The following GRID2 variants were observed in gnomAD, a reference collection of about 807,000 sequenced individuals.
GRID2 encodes the protein glutamate receptor ionotropic, delta-2.
Under a neutral mutation model 114.8 loss-of-function variants are expected in GRID2, and 33 were observed. The observed-to-expected ratio is 0.29, with a 90% CI of 0.22 to 0.38. The LOEUF (loss-of-function observed/expected upper bound fraction) is 0.38, where lower values mean the gene tolerates loss of function less well. Among genes scored for constraint, GRID2 ranks in the 10% least tolerant of loss-of-function variants. The pLI is 1.00. For missense variants in GRID2, 1,184 were observed against 1,257.7 expected (o/e 0.94, Z 0.89); for synonymous variants, 505 against 449.9 (o/e 1.12, Z -1.55).
chr4:92,812,311 T>A (rs928554178), intron 2 of GRID2, among the ~76,000 whole-genome samples: 2 of 152,068 alleles, frequency 1.3e-5, no homozygotes, highest in Non-Finnish European at 2.9e-5. Flanking sequence ...AAAAACATTC[T>A]TAAGTGGTGA....
intron 3 of GRID2, among the ~76,000 whole-genome samples, chr4:93,099,521 TGACAA>T (rs1354424413): frequency 1.3e-5 from 2 of 151,846 alleles, no homozygotes; most frequent in African/African-American, 4.8e-5. Context: ...TAATAAGTAT[TGACAA>T]AATATCTTAG....
Position 93,772,581 on chromosome 4 carries a change from T to C in GRID2, c.*83T>C, listed in dbSNP as rs1578784212. On this transcript the variant is annotated 3_prime_UTR_variant, in exon 16 of 16. Coordinates refer to ENST00000282020, the MANE Select transcript of GRID2 (RefSeq NM_001510.4). ...TGTAATATTGTGGGACTAACATGGA[T>C]GTAACGTTTAAAAAAAAGATCAGGA... The C allele has an allele frequency of 1.0e-6, 1 of 964,314 alleles. No individual in the cohort carries two copies. Among genetic ancestry groups the C allele is most frequent in the East Asian group, 2.4e-5 (1 of 40,860 alleles). The allele number at this position is 964,314 out of a possible 1,614,324, so 59.7% of individuals were successfully genotyped here. A position where few individuals can be genotyped will look rare whatever the true frequency, so the allele number is the denominator to read the frequency against.
At chr4:92,689,492 C>G (rs1056629686) in intron 2 of GRID2, among the ~76,000 whole-genome samples, 1 of 152,220 alleles carries the variant, frequency 6.6e-6, no homozygotes, top group Non-Finnish European at 1.5e-5. Flanking sequence ...TGCGAGCAAG[C>G]ATTACCATCT....
At chr4:93,035,029 T>C (rs1724798372) in intron 2 of GRID2, among the ~76,000 whole-genome samples, 1 of 152,024 alleles carries the variant, frequency 6.6e-6, no homozygotes, top group Admixed American at 6.6e-5. Context: ...AAAATATTTC[T>C]TCTCTCTGTA....
rs760571539 is a variant in GRID2 at position 93,042,297 on chromosome 4, C to CTATA, written c.245-42697_245-42696insATAT. Among the ~76,000 whole-genome samples, 25 of 99,442 alleles carry CTATA rather than the reference C, an allele frequency of 2.5e-4. No homozygotes were observed. In the East Asian group the frequency reaches 2.6e-3, roughly 10 times the overall value. 65.2% of individuals were successfully genotyped at this position (99,442 alleles called of 152,430 possible). ...TCTTTCTCTCTCTCTCTCTCTCTCT[C>CTATA]TCTATATATATATATATATATACAC... On this transcript the variant is annotated intron_variant, in intron 2 of 15. Transcript: ENST00000282020.
intron 8 of GRID2, among the ~76,000 whole-genome samples, chr4:93,319,284 T>C (rs1363009965): frequency 6.6e-6 from 1 of 152,166 alleles, no homozygotes; most frequent in Non-Finnish European, 1.5e-5. Context: ...AGTGACTCAG[T>C]AGATAAGAAT....
chr4:93,524,911 A>G (rs534155324), intron 13 of GRID2, among the ~76,000 whole-genome samples: 2 of 149,708 alleles, frequency 1.3e-5, no homozygotes, highest in South Asian at 4.2e-4. Context: ...TGTCTTATGT[A>G]CATAAAGATG....
In GRID2 at chr4:93,627,816, T is replaced by C. The variant is rs1219460723; in HGVS notation, c.2360+1381T>C. Among the ~76,000 whole-genome samples the C allele has an allele frequency of 2.0e-5, 3 of 152,214 alleles. No homozygotes were observed. In the East Asian group the frequency reaches 5.8e-4, roughly 29 times the overall value. ...AGATCACAAACCAAAGCAAGTCTCA[T>C]GGCCAAGCCCAAAATCAATAGAGTG... On this transcript the variant is annotated intron_variant, in intron 14 of 15. Coordinates refer to ENST00000282020, the MANE Select transcript of GRID2 (RefSeq NM_001510.4).
intron 12 of GRID2, among the ~76,000 whole-genome samples, chr4:93,510,778 A>G (rs1020411302): frequency 1.3e-5 from 2 of 152,210 alleles, no homozygotes; most frequent in African/African-American, 4.8e-5. Flanking sequence ...GGAATCATCA[A>G]CATCATAATC....
intron 2 of GRID2, among the ~76,000 whole-genome samples, chr4:92,622,283 A>T (rs1459551594): frequency 6.6e-6 from 1 of 151,704 alleles, no homozygotes; most frequent in Non-Finnish European, 1.5e-5. Context: ...ACAATTTTAG[A>T]TATGGATGTT....
At chr4:92,821,945 G>T (rs1741312713) in intron 2 of GRID2, 1 of 159,120 alleles carries the variant, frequency 6.3e-6, no homozygotes, top group Non-Finnish European at 1.4e-5. Flanking sequence ...TTTTAAATCA[G>T]AAAGTCAGTT....
intron 1 of GRID2, among the ~76,000 whole-genome samples, chr4:92,557,973 T>G (rs983507224): frequency 6.6e-6 from 1 of 152,170 alleles, no homozygotes; most frequent in East Asian, 1.9e-4. Context: ...ATTTACTTGG[T>G]CTAGATTTTG....
At chr4:92,843,608 T>TA (rs1446521448) in intron 2 of GRID2, among the ~76,000 whole-genome samples, 2 of 152,160 alleles carry the variant, frequency 1.3e-5, no homozygotes, top group African/African-American at 4.8e-5. Flanking sequence ...GCTTTACCCT[T>TA]ATACAAATCT....
intron 14 of GRID2, among the ~76,000 whole-genome samples, chr4:93,724,464 T>G (rs1729661295): frequency 6.6e-6 from 1 of 152,210 alleles, no homozygotes; most frequent in South Asian, 2.1e-4. Flanking sequence ...ATGTAATATT[T>G]TATTAATTTT....
At chr4:93,798,977 T>A (rs1401313535) in intron 1 of GRID2, among the ~76,000 whole-genome samples, 2 of 152,116 alleles carry the variant, frequency 1.3e-5, no homozygotes, top group Non-Finnish European at 2.9e-5. Context: ...GGGTAGGCAA[T>A]ATGGCAGAGT....
At chr4:93,270,830 T>C (rs1751384319) in intron 8 of GRID2, among the ~76,000 whole-genome samples, 1 of 152,126 alleles carries the variant, frequency 6.6e-6, no homozygotes, top group Non-Finnish European at 1.5e-5. Flanking sequence ...GGTTTTACCA[T>C]GTTGGCCAGG....
chr4:93,038,148 T>A (rs1327423277), intron 2 of GRID2, among the ~76,000 whole-genome samples: 2 of 152,160 alleles, frequency 1.3e-5, no homozygotes, highest in Non-Finnish European at 2.9e-5. Context: ...CAGTGGTTTG[T>A]AGTTCTCCTT....
intron 2 of GRID2, among the ~76,000 whole-genome samples, chr4:92,912,254 A>G (rs553960162): frequency 6.6e-6 from 1 of 151,886 alleles, no homozygotes; most frequent in Non-Finnish European, 1.5e-5. Flanking sequence ...AGGGTATACT[A>G]CACATGATGT....
At chr4:93,260,830 T>A (rs952003779) in intron 8 of GRID2, among the ~76,000 whole-genome samples, 1 of 151,822 alleles carries the variant, frequency 6.6e-6, no homozygotes, top group Non-Finnish European at 1.5e-5. Flanking sequence ...AAAGTTGTGA[T>A]AAAAGAGACA....
Sources: allele counts gnomAD v4.1 joint callset (sites outside exome capture counted in the v4.1 genomes callset), GRCh38; gene constraint gnomAD v4.1.1; transcripts MANE v1.5; gene names NCBI Gene and HGNC (gene_info 2026-07-23, HGNC 2026-07-21).